Variants in SHISA9 observed in about 807,000 individuals in gnomAD.
The protein encoded by SHISA9 is protein shisa-9.
SHISA9 carries 13 observed loss-of-function variants against 38.0 expected under a neutral mutation model. The observed-to-expected ratio is 0.34, with a 90% CI of 0.22 to 0.54. The LOEUF (loss-of-function observed/expected upper bound fraction) is 0.54, where lower values mean the gene tolerates loss of function less well. SHISA9 is among the 20% of genes least tolerant of loss of function. The pLI is 0.91. For missense variants in SHISA9, 538 were observed against 575.8 expected, an observed-to-expected ratio of 0.93 and a Z score of 0.67; for synonymous variants, 275 against 242.0, an observed-to-expected ratio of 1.14 and a Z score of -1.27.
the SHISA9 span, among the ~76,000 whole-genome samples, chr16:13,304,965 C>T: frequency 1.3e-5 from 2 of 152,184 alleles, no homozygotes; most frequent in South Asian, 2.1e-4. Context: ...ACAAGGTCAA[C>T]GTAACTATGC....
intron 2 of SHISA9, among the ~76,000 whole-genome samples, chr16:13,188,897 A>C (rs1430337638): frequency 2.0e-5 from 3 of 152,150 alleles, no homozygotes; most frequent in Non-Finnish European, 4.4e-5. Context: ...GAGATGAAGC[A>C]CACTGGAGTA....
the SHISA9 span, among the ~76,000 whole-genome samples, chr16:13,316,229 T>C: frequency 1.3e-5 from 2 of 152,136 alleles, no homozygotes; most frequent in South Asian, 4.2e-4. Context: ...GTGTTGGAAA[T>C]TGTGGAGCAG....
the SHISA9 span, among the ~76,000 whole-genome samples, chr16:13,487,974 C>T: frequency 6.6e-5 from 10 of 152,166 alleles, no homozygotes; most frequent in Admixed American, 6.5e-4. Flanking sequence ...CAAGGGATCT[C>T]ACTCAATGAG....
chr16:13,070,853 A>G (rs2073505347), intron 2 of SHISA9, among the ~76,000 whole-genome samples: 1 of 152,198 alleles, frequency 6.6e-6, no homozygotes, highest in Non-Finnish European at 1.5e-5. Context: ...GTGTTGTATC[A>G]TTAAGAAGTC....
chr16:13,078,500 G>A (rs2073610395), intron 2 of SHISA9, among the ~76,000 whole-genome samples: 1 of 151,964 alleles, frequency 6.6e-6, no homozygotes, highest in African/African-American at 2.4e-5. Context: ...CTGCCCCTGG[G>A]GTTTAAGAGA....
chr16:13,077,775 G>A (rs2073600402), intron 2 of SHISA9, among the ~76,000 whole-genome samples: 1 of 150,038 alleles, frequency 6.7e-6, no homozygotes, highest in East Asian at 1.9e-4. Context: ...AGCCCTGAAA[G>A]GAAGTTGGAG....
intron 2 of SHISA9, among the ~76,000 whole-genome samples, chr16:13,068,078 T>C (rs570789917): frequency 6.6e-6 from 1 of 152,304 alleles, no homozygotes; most frequent in African/African-American, 2.4e-5. Flanking sequence ...ACATATGCTC[T>C]GAGATCAGGC....
chr16:13,186,984 G>T (rs66479481), intron 2 of SHISA9, among the ~76,000 whole-genome samples: 22,672 of 152,156 alleles, frequency 0.15, 1,972 homozygotes, highest in Middle Eastern at 0.23. Context: ...CGATGGACAC[G>T]TGGGTTGCTA....
At chr16:13,322,385 C>G in the SHISA9 span, among the ~76,000 whole-genome samples, 1 of 152,230 alleles carries the variant, frequency 6.6e-6, no homozygotes, top group African/African-American at 2.4e-5. Context: ...TCATCCTTTC[C>G]TCTCTTCTCA....
chr16:13,013,163 G>C (rs1466023631), intron 2 of SHISA9, among the ~76,000 whole-genome samples: 1 of 152,162 alleles, frequency 6.6e-6, no homozygotes, highest in Non-Finnish European at 1.5e-5. Flanking sequence ...AACAGCATCA[G>C]GAACCCTGGG....
At chr16:12,934,849 C>G (rs1308939618) in intron 2 of SHISA9, among the ~76,000 whole-genome samples, 1 of 152,138 alleles carries the variant, frequency 6.6e-6, no homozygotes, top group Non-Finnish European at 1.5e-5. Flanking sequence ...CAACAAAAGT[C>G]AATTCTTCTT....
chr16:13,306,577 G>C, the SHISA9 span, among the ~76,000 whole-genome samples: 1 of 152,136 alleles, frequency 6.6e-6, no homozygotes, highest in Non-Finnish European at 1.5e-5. Context: ...TATTGGTCAG[G>C]GCTGCAGTCA....
At chr16:13,380,977 T>G in the SHISA9 span, among the ~76,000 whole-genome samples, 1 of 152,122 alleles carries the variant, frequency 6.6e-6, no homozygotes, top group Non-Finnish European at 1.5e-5. Context: ...GCTTCATCCA[T>G]GCCCCTGCAA....
chr16:13,524,248 C>G, the SHISA9 span, among the ~76,000 whole-genome samples: 2 of 152,146 alleles, frequency 1.3e-5, no homozygotes, highest in African/African-American at 4.8e-5. Flanking sequence ...CACATTGCCC[C>G]CGGCTGTCCT....
intron 2 of SHISA9, among the ~76,000 whole-genome samples, chr16:13,143,132 G>GA (rs1403207911): frequency 2.0e-5 from 3 of 151,754 alleles, no homozygotes; most frequent in African/African-American, 7.3e-5. Context: ...TCAGGCTCCC[G>GA]AGTAGCTGGG....
chr16:13,554,012 A>T, the SHISA9 span, among the ~76,000 whole-genome samples: 6 of 152,186 alleles, frequency 3.9e-5, no homozygotes, highest in Admixed American at 3.9e-4. Flanking sequence ...ATAGCACAAG[A>T]CCACAACTAT....
chr16:13,419,065 G>A, the SHISA9 span, among the ~76,000 whole-genome samples: 1 of 152,198 alleles, frequency 6.6e-6, no homozygotes, highest in Non-Finnish European at 1.5e-5. Flanking sequence ...AAACCCACGT[G>A]TATGAACTGG....
intron 3 of SHISA9, among the ~76,000 whole-genome samples, chr16:13,212,062 T>G (rs1178367931): frequency 6.6e-6 from 1 of 152,182 alleles, no homozygotes; most frequent in Non-Finnish European, 1.5e-5. Flanking sequence ...ATGTGGCGAT[T>G]TGAGCATCCT....
intron 1 of SHISA9, among the ~76,000 whole-genome samples, chr16:12,905,826 C>T (rs140344705): frequency 4.7e-4 from 71 of 152,222 alleles, no homozygotes; most frequent in Admixed American, 1.9e-3. Flanking sequence ...GTCTCGAACT[C>T]CTGACCTCAT....
Sources: gnomAD v4.1 joint callset for allele counts (sites outside exome capture counted in the v4.1 genomes callset) on GRCh38, gnomAD v4.1.1 for gene constraint, MANE v1.5 for transcripts, NCBI Gene and HGNC (gene_info 2026-07-23, HGNC 2026-07-21) for gene names.